The following PPP1R16B variants were observed in gnomAD, a reference collection of about 807,000 sequenced individuals.
PPP1R16B encodes the protein protein phosphatase 1 regulatory inhibitor subunit 16B.
Under a neutral mutation model 61.7 loss-of-function variants are expected in PPP1R16B, and 14 were observed. The observed-to-expected ratio is 0.23, with a 90% CI of 0.15 to 0.35. The LOEUF (loss-of-function observed/expected upper bound fraction) is 0.35. Ranked by LOEUF, PPP1R16B falls within the 10% of genes least tolerant of loss-of-function variation. PPP1R16B has a pLI of 1.00. For missense variants in PPP1R16B, 547 were observed against 752.5 expected (o/e 0.73, Z 3.19); for synonymous variants, 266 against 305.3 (o/e 0.87, Z 1.34).
Position 38,805,747 on chromosome 20 carries a change from C to T in PPP1R16B, c.-147C>T, listed in dbSNP as rs1384201372. ...CAGCTGCGGCTCGGGGACCCACAGA[C>T]ACAGCCGGGGTCGGGAGCCGCCCGG... is the stretch of plus-strand genomic sequence containing the variant. On this transcript the variant is annotated 5_prime_UTR_variant, in exon 1 of 11. Coordinates refer to ENST00000299824, the MANE Select transcript of PPP1R16B (RefSeq NM_015568.4). 1.3e-5 allele frequency: 2 copies of T among 152,264 alleles called. No homozygotes were observed. The highest frequency in any genetic ancestry group is 4.8e-5 in the African/African-American group (2 of 41,458). 9.4% of individuals were successfully genotyped at this position (152,264 alleles called of 1,614,324 possible).
intron 1 of PPP1R16B, among the ~76,000 whole-genome samples, chr20:38,808,776 G>A (rs1018222431): frequency 6.6e-6 from 1 of 152,114 alleles, no homozygotes; most frequent in Admixed American, 6.5e-5. Context: ...GCTCACACCT[G>A]TAATCCCAGC....
At chr20:38,885,054 A>AG (rs1450607406) in intron 2 of PPP1R16B, among the ~76,000 whole-genome samples, 1 of 149,502 alleles carries the variant, frequency 6.7e-6, no homozygotes, top group Admixed American at 6.7e-5. Flanking sequence ...AAAAAAAAAA[A>AG]AAAAAGAAGA....
At chr20:38,881,642 C>A (rs577147967) in intron 2 of PPP1R16B, among the ~76,000 whole-genome samples, 1 of 152,324 alleles carries the variant, frequency 6.6e-6, no homozygotes, top group South Asian at 2.1e-4. Context: ...GCTCAGTGTT[C>A]ACTTCTGTGC....
Position 38,889,685 on chromosome 20 carries a change from G to T in PPP1R16B, c.321+20G>T, listed in dbSNP as rs745378801. The T allele has an allele frequency of 6.5e-7, 1 of 1,546,194 alleles. No homozygotes were observed. Among genetic ancestry groups the T allele is most frequent in the South Asian group, 1.1e-5 (1 of 89,692 alleles). On this transcript the variant is annotated intron_variant, in intron 3 of 10. Coordinates refer to ENST00000299824, the MANE Select transcript of PPP1R16B (RefSeq NM_015568.4). ...CACCAGGTAAGGCCGGGCTCGTTGG[G>T]GCTCCAGGGCTCCCTGCCCCTCACC... is the stretch of plus-strand genomic sequence containing the variant.
At chr20:38,868,389 T>C (rs534599859) in intron 2 of PPP1R16B, among the ~76,000 whole-genome samples, 2 of 149,376 alleles carry the variant, frequency 1.3e-5, no homozygotes, top group Non-Finnish European at 3.0e-5. Context: ...AATGGTAAGT[T>C]TTTTTTTTTT....
Position 38,919,787 on chromosome 20 carries a change from C to T in PPP1R16B, c.*1121C>T, listed in dbSNP as rs1568690250. Reference sequence around the variant, plus strand: ...CTGTTTCAGCCCAGCCCATCTCAGCCAACCCTCCTTAGACTGAGCTGTCAG... The same window carrying T: ...CTGTTTCAGCCCAGCCCATCTCAGCTAACCCTCCTTAGACTGAGCTGTCAG... On this transcript the variant is annotated 3_prime_UTR_variant, in exon 11 of 11. Coordinates refer to ENST00000299824, the MANE Select transcript of PPP1R16B (RefSeq NM_015568.4). 1 of 152,408 alleles carries T rather than the reference C, an allele frequency of 6.6e-6. No individual in the cohort carries two copies. Among genetic ancestry groups the T allele is most frequent in the Non-Finnish European group, 1.5e-5 (1 of 68,178 alleles). The allele number at this position is 152,408 out of a possible 1,614,324, so 9.4% of individuals were successfully genotyped here. A position where few individuals can be genotyped will look rare whatever the true frequency, so the allele number is the denominator to read the frequency against.
At chr20:38,865,288 TTTTTTTC>T (rs145194834) in intron 2 of PPP1R16B, among the ~76,000 whole-genome samples, 96,248 of 140,018 alleles carry the variant, frequency 0.69, 32,976 homozygotes, top group African/African-American at 0.8. Context: ...CTGCATTCTT[TTTTTTTC>T]TTTTTTTTTT....
chr20:38,914,868 A>G (rs1228629875), intron 10 of PPP1R16B, among the ~76,000 whole-genome samples: 1 of 152,100 alleles, frequency 6.6e-6, no homozygotes, highest in Non-Finnish European at 1.5e-5. Flanking sequence ...AGGTCTCACT[A>G]TGTTGCCCAG....
intron 2 of PPP1R16B, among the ~76,000 whole-genome samples, chr20:38,880,734 G>C (rs1398532247): frequency 6.6e-6 from 1 of 152,072 alleles, no homozygotes; most frequent in African/African-American, 2.4e-5. Flanking sequence ...TGGAAATTTG[G>C]GTATTACTTT....
intron 4 of PPP1R16B, 71 bp downstream of exon 4, chr20:38,895,781 T>TCCCTTCCTCCTCCCTTCTTTCTTC (rs2085330040): frequency 1.7e-6 from 2 of 1,204,618 alleles, no homozygotes; most frequent in African/African-American, 3.9e-5. Context: ...CTTCTTTCTC[T>TCCCTTCCTCCTCCCTTCTTTCTTC]CCTCCCTCCC....
chr20:38,908,172 A>G lies in PPP1R16B; in HGVS notation c.1173A>G (p.Thr391=). 1 of 1,614,278 alleles carries G rather than the reference A, an allele frequency of 6.2e-7. No homozygotes were observed. Among genetic ancestry groups the G allele is most frequent in the Non-Finnish European group, 8.5e-7 (1 of 1,180,050 alleles). The change falls in exon 10 of 11, where the codon ACA becomes ACG. Residue 391 remains threonine (T), a synonymous_variant. Coordinates refer to ENST00000299824, the MANE Select transcript of PPP1R16B (RefSeq NM_015568.4). ...TYNGDIRETR[T]DQENKDPNPR... ...ACGGGGACATCAGGGAGACCAGGAC[A>G]GACCAAGAGAATAAGGACCCTGTGA...
At position 38,906,292 on chromosome 20, in the gene PPP1R16B, T is replaced by TG. The variant is rs1380232836; in HGVS notation, c.822+198_822+199insG. ...GGACAAAGCAAGTTGTGTTTTTTTTTTTTTTTTTTTTTTTTTTTTGAGATG... is the reference window on the plus strand; with the variant it reads ...GGACAAAGCAAGTTGTGTTTTTTTTTGTTTTTTTTTTTTTTTTTTTGAGATG... On this transcript the variant is annotated intron_variant, in intron 7 of 10. Transcript: ENST00000299824. Among the ~76,000 whole-genome samples, 60 of 123,040 alleles carry TG rather than the reference T, an allele frequency of 4.9e-4. 1 individual carries two copies. The highest frequency in any genetic ancestry group is 1.9e-3 in the East Asian group (7 of 3,656). 80.7% of individuals were successfully genotyped at this position (123,040 alleles called of 152,430 possible).
Position 38,835,889 on chromosome 20 carries a change from C to G in PPP1R16B, c.-37C>G. On this transcript the variant is annotated 5_prime_UTR_variant, in exon 2 of 11. Transcript: ENST00000299824. ...CTGCCCTGGCCCCCGGTGCACCGTG[C>G]TAGCCCCCAGCCAGGGCGTTGGGGA... The G allele has an allele frequency of 6.6e-7, 1 of 1,510,004 alleles. No homozygotes were observed. The highest frequency in any genetic ancestry group is 8.8e-7 in the Non-Finnish European group (1 of 1,132,182). 93.5% of individuals were successfully genotyped at this position (1,510,004 alleles called of 1,614,324 possible). A position where few individuals can be genotyped will look rare whatever the true frequency, so the allele number is the denominator to read the frequency against.
At chr20:38,913,215 A>G (rs1009141310) in intron 10 of PPP1R16B, among the ~76,000 whole-genome samples, 1 of 152,096 alleles carries the variant, frequency 6.6e-6, no homozygotes, top group Non-Finnish European at 1.5e-5. Flanking sequence ...AAACTAAATC[A>G]GAATCTCAGG....
intron 1 of PPP1R16B, among the ~76,000 whole-genome samples, chr20:38,817,860 C>T (rs890763317): frequency 3.9e-5 from 6 of 152,052 alleles, no homozygotes; most frequent in Admixed American, 6.5e-5. Context: ...CTGGCTAACA[C>T]GGTGAAACCC....
intron 6 of PPP1R16B, among the ~76,000 whole-genome samples, chr20:38,903,026 G>C (rs570568181): frequency 3.9e-5 from 6 of 152,366 alleles, no homozygotes; most frequent in Admixed American, 6.5e-5. Flanking sequence ...TGTAGTCCCA[G>C]CTACCTGGGA....
rs144837323 is a variant in PPP1R16B, at chr20:38,875,011, G to A, written c.251-14584G>A. ...TCAGTAAACATGAGCTCTTCTTATC[G>A]CAGGCTTGTTAGATGCTGATATGCA... On this transcript the variant is annotated intron_variant, in intron 2 of 10. Coordinates refer to ENST00000299824, the MANE Select transcript of PPP1R16B (RefSeq NM_015568.4). Among the ~76,000 whole-genome samples, 409 of 152,264 alleles carry A rather than the reference G, an allele frequency of 2.7e-3. 2 individuals are homozygous for A. The highest frequency in any genetic ancestry group is 9.1e-3 in the African/African-American group (379 of 41,542).
intron 7 of PPP1R16B, 27 bp downstream of exon 7, chr20:38,906,121 G>C (rs777797126): frequency 6.2e-7 from 1 of 1,606,372 alleles, no homozygotes; most frequent in South Asian, 1.1e-5. Context: ...GGGCTGTGGG[G>C]GAGGCCGGCA....
chr20:38,902,120 T>C (rs543024060), intron 5 of PPP1R16B, among the ~76,000 whole-genome samples: 5 of 152,346 alleles, frequency 3.3e-5, no homozygotes, highest in East Asian at 3.9e-4. Flanking sequence ...AGGAATGGGA[T>C]TCGGGCTATA....
Sources: gnomAD v4.1 joint callset for allele counts (sites outside exome capture counted in the v4.1 genomes callset) on GRCh38, gnomAD v4.1.1 for gene constraint, MANE v1.5 for transcripts, NCBI Gene and HGNC (gene_info 2026-07-23, HGNC 2026-07-21) for gene names.